Variants in KLRG1 observed in about 807,000 individuals in gnomAD.
KLRG1 encodes the protein killer cell lectin like receptor G1, also known as killer cell lectin-like receptor subfamily G member 1.
In KLRG1, 16 loss-of-function variants were observed where a neutral mutation model predicts 21.8. The observed-to-expected ratio is 0.73, with a 90% CI of 0.50 to 1.11. KLRG1 has a LOEUF of 1.11. KLRG1 is among the 50% of genes most tolerant of loss of function. The pLI is 0.00. For missense variants in KLRG1, 173 were observed against 218.3 expected (o/e 0.79, Z 1.31); for synonymous variants, 69 against 75.9 (o/e 0.91, Z 0.47).
chr12:9,044,302 G>C, the KLRG1 span, among the ~76,000 whole-genome samples: 15 of 152,106 alleles, frequency 9.9e-5, no homozygotes, highest in Non-Finnish European at 2.1e-4. Flanking sequence ...ATGAAGAGAC[G>C]CTTTACTCCT....
chr12:9,190,837 T>C, the KLRG1 span, among the ~76,000 whole-genome samples: 1 of 152,134 alleles, frequency 6.6e-6, no homozygotes, highest in Admixed American at 6.5e-5. Flanking sequence ...AAGAGAACAA[T>C]ATGAGGAAGC....
the KLRG1 span, chr12:9,151,776 GAGA>G: frequency 1.1e-6 from 1 of 871,686 alleles, no homozygotes; most frequent in East Asian, 2.6e-5. Context: ...ATTCTCTGAA[GAGA>G]AGAAAGCTAA....
chr12:9,123,582 G>A, the KLRG1 span, among the ~76,000 whole-genome samples: 11 of 152,160 alleles, frequency 7.2e-5, no homozygotes, highest in African/African-American at 2.2e-4. Flanking sequence ...GAAAATTTAT[G>A]AATCGTTTAT....
the KLRG1 span, among the ~76,000 whole-genome samples, chr12:9,055,975 G>C: frequency 6.6e-6 from 1 of 152,174 alleles, no homozygotes; most frequent in Non-Finnish European, 1.5e-5. Flanking sequence ...AAGCTGTATA[G>C]TTCTGCGTTA....
chr12:9,066,952 C>T, the KLRG1 span: 1 of 152,102 alleles, frequency 6.6e-6, no homozygotes, highest in Non-Finnish European at 1.5e-5. Context: ...GCTTCCCCTT[C>T]TATAGAATGG....
the KLRG1 span, among the ~76,000 whole-genome samples, chr12:9,120,118 T>A: frequency 6.6e-6 from 1 of 152,232 alleles, no homozygotes; most frequent in Non-Finnish European, 1.5e-5. Context: ...TATACCAGTG[T>A]AAATTAATTT....
At chr12:8,998,310 C>T (rs1233664237) in intron 3 of KLRG1, among the ~76,000 whole-genome samples, 1 of 151,774 alleles carries the variant, frequency 6.6e-6, no homozygotes, top group African/African-American at 2.4e-5. Flanking sequence ...GCTTAGGCAG[C>T]AGAGTGAGAC....
chr12:9,050,018 C>T, the KLRG1 span, among the ~76,000 whole-genome samples: 1 of 152,174 alleles, frequency 6.6e-6, no homozygotes, highest in African/African-American at 2.4e-5. Flanking sequence ...TTGATCCTGA[C>T]TTGCCACCTA....
At chr12:9,000,171 A>G (rs1345471136) in intron 3 of KLRG1, among the ~76,000 whole-genome samples, 7 of 152,322 alleles carry the variant, frequency 4.6e-5, no homozygotes, top group South Asian at 4.1e-4. Context: ...TGAATTGAGT[A>G]TATTGTTTAT....
the KLRG1 span, chr12:9,068,280 A>C: frequency 6.4e-7 from 1 of 1,568,520 alleles, no homozygotes; most frequent in Non-Finnish European, 8.6e-7. Flanking sequence ...GTGAGAAAGA[A>C]AGCAAACATC....
intron 2 of KLRG1, among the ~76,000 whole-genome samples, chr12:8,994,147 CT>C (rs1382178875): frequency 1.3e-5 from 2 of 152,160 alleles, no homozygotes; most frequent in African/African-American, 2.4e-5. Context: ...TCACTGCAAC[CT>C]CTGCCTCCTG....
At chr12:9,113,852 T>A in the KLRG1 span, among the ~76,000 whole-genome samples, 1 of 152,270 alleles carries the variant, frequency 6.6e-6, no homozygotes, top group African/African-American at 2.4e-5. Flanking sequence ...CATTTGTTCA[T>A]GTTGTAAAAT....
In KLRG1 at chr12:8,989,622, G is replaced by C; in HGVS notation, c.-14G>C. 1 of 1,568,790 alleles carries C rather than the reference G, an allele frequency of 6.4e-7. No individual in the cohort carries two copies. The stretch of plus-strand genomic sequence containing the variant: ...TTAACTCTCTCAACTGCATGTGAAA[G>C]ATCTTAGCTGAAGATGACTGACAGT... On this transcript the variant is annotated 5_prime_UTR_variant, in exon 1 of 5. Coordinates refer to ENST00000356986, the MANE Select transcript of KLRG1 (RefSeq NM_005810.4).
At chr12:9,082,500 T>C in the KLRG1 span, among the ~76,000 whole-genome samples, 1 of 152,340 alleles carries the variant, frequency 6.6e-6, no homozygotes, top group Middle Eastern at 3.4e-3. Context: ...CTCTGCCTGC[T>C]CAAGGTTGTC....
the KLRG1 span, among the ~76,000 whole-genome samples, chr12:9,132,135 CA>C: frequency 1.3e-5 from 2 of 152,142 alleles, no homozygotes; most frequent in African/African-American, 4.8e-5. Flanking sequence ...AAGTAACAAG[CA>C]GGGGGATGAA....
the KLRG1 span, among the ~76,000 whole-genome samples, chr12:9,050,352 G>A: frequency 7.9e-5 from 12 of 152,190 alleles, no homozygotes; most frequent in South Asian, 1.7e-3. Context: ...TGATCTTGCC[G>A]CTGTGTTGTC....
the KLRG1 span, chr12:9,208,127 C>G: frequency 1.6e-6 from 1 of 642,850 alleles, no homozygotes; most frequent in East Asian, 2.9e-5. Flanking sequence ...AAGGGATTAA[C>G]TGGAATAATT....
At chr12:9,095,650 C>A in the KLRG1 span, 1 of 1,608,944 alleles carries the variant, frequency 6.2e-7, no homozygotes, top group Admixed American at 1.7e-5. Context: ...CCTGGTCATT[C>A]AAAGGCCCAG....
At chr12:9,176,535 A>G in the KLRG1 span, among the ~76,000 whole-genome samples, 1 of 152,264 alleles carries the variant, frequency 6.6e-6, no homozygotes, top group African/African-American at 2.4e-5. Flanking sequence ...ATAGGCACAT[A>G]AATGAACTTA....
Sources: allele counts gnomAD v4.1 joint callset (sites outside exome capture counted in the v4.1 genomes callset), GRCh38; gene constraint gnomAD v4.1.1; transcripts MANE v1.5; gene names NCBI Gene and HGNC (gene_info 2026-07-23, HGNC 2026-07-21).